The following STIL variants were observed in gnomAD, a reference collection of about 807,000 sequenced individuals.
The protein encoded by STIL is SCL-interrupting locus protein.
STIL carries 55 observed loss-of-function variants against 110.1 expected under a neutral mutation model. The observed-to-expected ratio is 0.50, with a 90% CI of 0.40 to 0.63. The LOEUF (loss-of-function observed/expected upper bound fraction) is 0.63, where lower values mean the gene tolerates loss of function less well. STIL is among the 20% of genes least tolerant of loss of function. The pLI, the probability that STIL is intolerant of heterozygous loss-of-function variation, is 0.00. For synonymous variants in STIL, 481 were observed against 530.0 expected (o/e 0.91, Z 1.27); for missense variants, 1,358 against 1,530.0 (o/e 0.89, Z 1.87).
At chr1:47,296,403 CTATATT>C (rs1435544612) in intron 6 of STIL, among the ~76,000 whole-genome samples, 1 of 152,106 alleles carries the variant, frequency 6.6e-6, no homozygotes. Context: ...GGACATTATA[CTATATT>C]TATATTTTAT....
At position 47,270,898 on chromosome 1, in the gene STIL, C is replaced by T. The variant is rs116300446; in HGVS notation, c.2384-1032G>A. On this transcript the variant is annotated intron_variant, in intron 13 of 16. Coordinates refer to ENST00000371877, the MANE Select transcript of STIL (RefSeq NM_001048166.1). ...TTCATCATTTTGACCAGGCTGGTCTCGAACTCCTAGCATCAGGCAATCCAC... is the reference window on the plus strand; with the variant it reads ...TTCATCATTTTGACCAGGCTGGTCTTGAACTCCTAGCATCAGGCAATCCAC... Among the ~76,000 whole-genome samples, 889 of 151,902 alleles carry T rather than the reference C, an allele frequency of 5.9e-3. 9 individuals are homozygous for T. The highest frequency in any genetic ancestry group is 0.02 in the African/African-American group (836 of 41,400).
chr1:47,291,880 A>C (rs903001315), intron 8 of STIL, among the ~76,000 whole-genome samples: 1 of 151,174 alleles, frequency 6.6e-6, no homozygotes, highest in African/African-American at 2.4e-5. Context: ...TTATTTTTTT[A>C]AGACAGGGTC....
chr1:47,263,014 T>C lies in STIL; in HGVS notation c.2718A>G (p.Thr906=). ...TTTCAGAATTGTTACTGGCACCCCCTGTTGGTCCAGTCTGTAAACACATGC... is the reference window on the plus strand; with the variant it reads ...TTTCAGAATTGTTACTGGCACCCCCCGTTGGTCCAGTCTGTAAACACATGC... ...SVSMCLQTGP[T]GGASNNSETS... The change falls in exon 15 of 17, where the codon ACA becomes ACG. Residue 906 remains threonine, a synonymous_variant. Coordinates refer to ENST00000371877, the MANE Select transcript of STIL (RefSeq NM_001048166.1). The C allele has an allele frequency of 1.2e-6, 2 of 1,614,168 alleles. No individual in the cohort carries two copies. The highest frequency in any genetic ancestry group is 1.1e-5 in the South Asian group (1 of 91,080).
In STIL at chr1:47,287,557, A is replaced by C. The variant is rs746667670; in HGVS notation, c.1127T>G (p.Ile376Ser). The C allele has an allele frequency of 1.9e-6, 3 of 1,608,472 alleles. No homozygotes were observed. The African/African-American group carries it at 4.0e-5, about 21-fold the overall frequency. The change falls in exon 10 of 17, where the codon ATT becomes AGT. Residue 376 changes from isoleucine (I) to serine (S), a missense_variant. By Grantham distance (142) the Ile-to-Ser change is moderately radical. Transcript: ENST00000371877. The stretch of plus-strand genomic sequence containing the variant: ...TAACAAAAAGATCTTTTACCTCTTA[A>C]TTGAAAAATTCTTGGAAGCCTTACT... ...FFSKASKNFS[I>S]KRSSQKLSSG...
At chr1:47,263,384 A>T (rs1644537762) in intron 14 of STIL, among the ~76,000 whole-genome samples, 1 of 152,098 alleles carries the variant, frequency 6.6e-6, no homozygotes, top group South Asian at 2.1e-4. Flanking sequence ...CTCCACAAAA[A>T]ATTTGTTTTA....
intron 16 of STIL, among the ~76,000 whole-genome samples, chr1:47,258,616 C>G (rs1644388959): frequency 6.6e-6 from 1 of 152,172 alleles, no homozygotes; most frequent in East Asian, 1.9e-4. Flanking sequence ...CGGCTGTAAT[C>G]CTAGCACTTT....
At chr1:47,271,836 A>C (rs1217255905) in intron 13 of STIL, among the ~76,000 whole-genome samples, 1 of 152,042 alleles carries the variant, frequency 6.6e-6, no homozygotes, top group East Asian at 1.9e-4. Context: ...ACAAAAAAAA[A>C]ACCAGAATTG....
At chr1:47,283,357 CA>C (rs2148997544) in intron 10 of STIL, 1 of 152,302 alleles carries the variant, frequency 6.6e-6, no homozygotes, top group Admixed American at 6.5e-5. Flanking sequence ...ATGAAGCAAT[CA>C]GAATGTCTGC....
rs1353350656 is a variant in STIL, at chr1:47,280,589, T to G, written c.1869A>C (p.Ala623=). 6.2e-7 allele frequency: 1 copy of G among 1,614,266 alleles called. No homozygotes were observed. Among genetic ancestry groups the G allele is most frequent in the East Asian group, 2.2e-5 (1 of 44,890 alleles). ...CATCTTGAATGGATCCAACTGTGTT[T>G]GCTCCTTGCCAAGAATTTAGCGGAC... ...QYSPLNSWQG[A]NTVGSIQDVQ... is the part of the protein sequence containing the mutation. Residue 623 remains alanine, a synonymous_variant, in exon 12 of 17, where the codon GCA becomes GCC. Coordinates refer to ENST00000371877, the MANE Select transcript of STIL (RefSeq NM_001048166.1).
intron 11 of STIL, among the ~76,000 whole-genome samples, chr1:47,281,671 C>A (rs1028258255): frequency 6.6e-6 from 1 of 152,050 alleles, no homozygotes; most frequent in East Asian, 1.9e-4. Context: ...ACTAAGAAGT[C>A]ACTCACTGTT....
rs61666574 is a variant in STIL at position 47,265,237 on chromosome 1, CAAAAA to C, written c.2616-2126_2616-2122del. Among the ~76,000 whole-genome samples the C allele has an allele frequency of 1.7e-3, 90 of 51,664 alleles. No homozygotes were observed. In the East Asian group the frequency reaches 0.038, roughly 22 times the overall value. 33.9% of individuals were successfully genotyped at this position (51,664 alleles called of 152,430 possible). On this transcript the variant is annotated intron_variant, in intron 14 of 16. Transcript: ENST00000371877. Reference sequence around the variant, plus strand: ...AGCAACAGAGCAACACTCCATCTCCCAAAAAAAAAAAAAAAAAAAAAAACACAAGA... The same window carrying C: ...AGCAACAGAGCAACACTCCATCTCCCAAAAAAAAAAAAAAAAAACACAAGA...
chr1:47,265,260 A>AAAAAAAAAAAAAC (rs1553170532), intron 14 of STIL, among the ~76,000 whole-genome samples: 16 of 148,422 alleles, frequency 1.1e-4, no homozygotes, highest in African/African-American at 3.7e-4. Flanking sequence ...AAAAAAAAAA[A>AAAAAAAAAAAAAC]CACAAGATTG....
intron 8 of STIL, among the ~76,000 whole-genome samples, chr1:47,291,661 G>A (rs1645494209): frequency 6.6e-6 from 1 of 151,978 alleles, no homozygotes; most frequent in Non-Finnish European, 1.5e-5. Flanking sequence ...TGCCTCCTGG[G>A]TGCAAGTGAT....
intron 14 of STIL, among the ~76,000 whole-genome samples, chr1:47,266,643 C>T (rs568248183): frequency 1.3e-5 from 2 of 152,332 alleles, no homozygotes; most frequent in South Asian, 4.1e-4. Context: ...ATGTTTTATA[C>T]CTACATTTTT....
chr1:47,280,124 C>G (rs943814778), intron 12 of STIL, 117 bp downstream of exon 12: 24 of 1,374,700 alleles, frequency 1.7e-5, no homozygotes, highest in Non-Finnish European at 2.3e-5. Context: ...TTTCCAAGGT[C>G]CCTCCTAATT....
At chr1:47,284,800 G>A (rs1645246846) in intron 10 of STIL, among the ~76,000 whole-genome samples, 1 of 151,844 alleles carries the variant, frequency 6.6e-6, no homozygotes, top group African/African-American at 2.4e-5. Context: ...TGAAGCAGGA[G>A]AATTCCTTGA....
intron 14 of STIL, among the ~76,000 whole-genome samples, chr1:47,265,016 A>G (rs1296650442): frequency 6.6e-6 from 1 of 151,166 alleles, no homozygotes; most frequent in Non-Finnish European, 1.5e-5. Context: ...CAAGCAGATC[A>G]CTTGAGGTCA....
chr1:47,291,518 T>C (rs1645489704), intron 8 of STIL, among the ~76,000 whole-genome samples: 1 of 152,090 alleles, frequency 6.6e-6, no homozygotes, highest in African/African-American at 2.4e-5. Context: ...TCATCGCCTT[T>C]TAACATACTA....
intron 6 of STIL, among the ~76,000 whole-genome samples, chr1:47,299,033 CTTT>C (rs35412832): frequency 1.4e-5 from 2 of 142,208 alleles, no homozygotes; most frequent in Admixed American, 7.0e-5. Context: ...TTTACCACCA[CTTT>C]TTTTTTTTTT....
Sources: allele counts gnomAD v4.1 joint callset (sites outside exome capture counted in the v4.1 genomes callset), GRCh38; gene constraint gnomAD v4.1.1; transcripts MANE v1.5; gene names NCBI Gene and HGNC (gene_info 2026-07-23, HGNC 2026-07-21).